Variants in SPSB4 observed in about 807,000 individuals in gnomAD.
SPSB4 encodes the protein splA/ryanodine receptor domain and SOCS box containing 4.
Under a neutral mutation model 20.9 loss-of-function variants are expected in SPSB4, and 21 were observed. The observed-to-expected ratio is 1.01, with a 90% CI of 0.71 to 1.45. The LOEUF is 1.45. Among genes scored for constraint, SPSB4 ranks in the 40% most tolerant of loss-of-function variants. The pLI is 0.00. For synonymous variants in SPSB4, 207 were observed against 183.8 expected, an observed-to-expected ratio of 1.13 and a Z score of -1.02; for missense variants, 399 against 399.2, an observed-to-expected ratio of 1.00 and a Z score of 0.00.
At chr3:141,087,602 G>T (rs1350291109) in intron 2 of SPSB4, among the ~76,000 whole-genome samples, 2 of 152,226 alleles carry the variant, frequency 1.3e-5, no homozygotes, top group Admixed American at 1.3e-4. Context: ...GGAAGTGTGT[G>T]TGATGTACCC....
At chr3:141,101,791 C>T (rs1032601642) in intron 2 of SPSB4, among the ~76,000 whole-genome samples, 15 of 152,134 alleles carry the variant, frequency 9.9e-5, no homozygotes, top group African/African-American at 1.7e-4. Flanking sequence ...GAAGATGCAC[C>T]GATAACGTGT....
At chr3:141,105,344 C>T (rs1559849755) in intron 2 of SPSB4, among the ~76,000 whole-genome samples, 1 of 152,238 alleles carries the variant, frequency 6.6e-6, no homozygotes, top group Non-Finnish European at 1.5e-5. Flanking sequence ...TGAGTTCCCA[C>T]ATCCCCTACA....
chr3:141,057,137 G>A (rs1358134473), intron 1 of SPSB4, among the ~76,000 whole-genome samples: 2 of 152,220 alleles, frequency 1.3e-5, no homozygotes, highest in Admixed American at 6.5e-5. Flanking sequence ...AGCTCTTGGG[G>A]AAGAAAGGGC....
intron 2 of SPSB4, among the ~76,000 whole-genome samples, chr3:141,120,111 T>G (rs893164822): frequency 1.3e-5 from 2 of 152,260 alleles, no homozygotes; most frequent in East Asian, 3.8e-4. Flanking sequence ...TCTGGTACAT[T>G]CTGTCTTTGT....
chr3:141,089,483 G>A (rs533939526), intron 2 of SPSB4, among the ~76,000 whole-genome samples: 6 of 152,206 alleles, frequency 3.9e-5, no homozygotes, highest in Non-Finnish European at 8.8e-5. Flanking sequence ...GTGGAGTAGA[G>A]CCTGGAGGAG....
chr3:141,119,179 G>A (rs1182151643), intron 2 of SPSB4, among the ~76,000 whole-genome samples: 1 of 152,162 alleles, frequency 6.6e-6, no homozygotes, highest in African/African-American at 2.4e-5. Context: ...GCAGTGGTTT[G>A]TAGTTCTCCT....
intron 2 of SPSB4, among the ~76,000 whole-genome samples, chr3:141,095,862 C>T (rs1383175155): frequency 2.0e-5 from 3 of 152,220 alleles, no homozygotes; most frequent in South Asian, 2.1e-4. Flanking sequence ...CTCCTGAGAG[C>T]AAGTCTGGAT....
chr3:141,115,180 G>T (rs1419277212), intron 2 of SPSB4: 1 of 152,222 alleles, frequency 6.6e-6, no homozygotes, highest in Non-Finnish European at 1.5e-5. Context: ...AGCTAGAGTT[G>T]GTTGAGGTAT....
intron 2 of SPSB4, among the ~76,000 whole-genome samples, chr3:141,078,273 T>A (rs886968357): frequency 2.0e-5 from 3 of 152,226 alleles, no homozygotes; most frequent in Non-Finnish European, 2.9e-5. Context: ...GTCTCTCACC[T>A]GCCGAATCAG....
chr3:141,123,797 C>T (rs949411518), intron 2 of SPSB4, among the ~76,000 whole-genome samples: 2 of 152,242 alleles, frequency 1.3e-5, no homozygotes, highest in East Asian at 1.9e-4. Context: ...GAGCAGGGTG[C>T]ATGCCAACCC....
chr3:141,076,597 G>A (rs1016618313), intron 2 of SPSB4, among the ~76,000 whole-genome samples: 2 of 152,220 alleles, frequency 1.3e-5, no homozygotes, highest in African/African-American at 4.8e-5. Flanking sequence ...AGAAGTGCTG[G>A]TATCACAGTC....
At chr3:141,054,964 C>CAA (rs67391798) in intron 1 of SPSB4, among the ~76,000 whole-genome samples, 1 of 135,170 alleles carries the variant, frequency 7.4e-6, no homozygotes, top group South Asian at 2.4e-4. Context: ...GACTCCGTCT[C>CAA]AAAAAAAAAA....
intron 2 of SPSB4, among the ~76,000 whole-genome samples, chr3:141,102,377 A>G (rs1019205564): frequency 6.6e-6 from 1 of 152,222 alleles, no homozygotes; most frequent in African/African-American, 2.4e-5. Flanking sequence ...GCCTGTGGTT[A>G]CTAGTGTGCA....
chr3:141,098,901 C>T (rs947954444), intron 2 of SPSB4, among the ~76,000 whole-genome samples: 1 of 152,090 alleles, frequency 6.6e-6, no homozygotes, highest in African/African-American at 2.4e-5. Flanking sequence ...GTTGGGAAGT[C>T]CAAGAGCATG....
intron 2 of SPSB4, among the ~76,000 whole-genome samples, chr3:141,069,041 A>G (rs1178180557): frequency 6.6e-6 from 1 of 152,206 alleles, no homozygotes; most frequent in Non-Finnish European, 1.5e-5. Flanking sequence ...TGAATCTGGA[A>G]TACTGAATCT....
chr3:141,134,823 C>T (rs762300036), intron 2 of SPSB4, among the ~76,000 whole-genome samples: 19 of 149,766 alleles, frequency 1.3e-4, no homozygotes, highest in Non-Finnish European at 2.1e-4. Flanking sequence ...TAGGGTGATA[C>T]TGGCTTCATA....
intron 2 of SPSB4, among the ~76,000 whole-genome samples, chr3:141,122,494 C>A (rs1938984560): frequency 6.6e-6 from 1 of 152,226 alleles, no homozygotes; most frequent in African/African-American, 2.4e-5. Flanking sequence ...AAGCTGTCTG[C>A]TGCCTTTTGT....
At chr3:141,138,763 T>G (rs920973967) in intron 2 of SPSB4, among the ~76,000 whole-genome samples, 2 of 152,240 alleles carry the variant, frequency 1.3e-5, no homozygotes, top group Non-Finnish European at 2.9e-5. Context: ...AAGTATGTGG[T>G]CAATTTTGGA....
At chr3:141,074,679 G>A (rs1448324727) in intron 2 of SPSB4, among the ~76,000 whole-genome samples, 1 of 152,200 alleles carries the variant, frequency 6.6e-6, no homozygotes, top group Non-Finnish European at 1.5e-5. Context: ...GACTTGCCTG[G>A]TGGACATGCA....
Sources: allele counts gnomAD v4.1 joint callset (sites outside exome capture counted in the v4.1 genomes callset), GRCh38; gene constraint gnomAD v4.1.1; transcripts MANE v1.5; gene names NCBI Gene and HGNC (gene_info 2026-07-23, HGNC 2026-07-21).